The following IQCH variants were observed in gnomAD, a reference collection of about 807,000 sequenced individuals.
IQCH encodes IQ motif containing H.
In IQCH, 98 loss-of-function variants were observed where a neutral mutation model predicts 117.0. The ratio of observed to expected loss-of-function variants is 0.84; its 90% confidence interval spans 0.71 to 0.99. IQCH has a LOEUF of 0.99. IQCH is among the 50% of genes least tolerant of loss of function. The pLI is 0.00. For synonymous variants in IQCH, 412 were observed against 448.2 expected (o/e 0.92, Z 1.02); for missense variants, 1,102 against 1,243.8 (o/e 0.89, Z 1.72).
intron 3 of IQCH, among the ~76,000 whole-genome samples, chr15:67,269,623 C>G (rs189834808): frequency 6.6e-6 from 1 of 152,052 alleles, no homozygotes. Context: ...TAATCAACCT[C>G]TCTTCAACCA....
In IQCH at chr15:67,465,296, C is replaced by T. The variant is rs1039767947; in HGVS notation, c.2675C>T (p.Pro892Leu). The T allele has an allele frequency of 1.2e-5, 20 of 1,612,374 alleles. No individual in the cohort carries two copies. Among genetic ancestry groups the T allele is most frequent in the Non-Finnish European group, 1.6e-5 (19 of 1,179,776 alleles). ...KTKCMSALSMPMLATSRYAVM... is the reference protein window; with the variant it reads ...KTKCMSALSMLMLATSRYAVM... The stretch of plus-strand genomic sequence containing the variant: ...AAATGCATGAGTGCGCTGTCAATGC[C>T]GGTAAGCAAGAGGTGCTTCCTGAAG... Residue 892 changes from proline (P) to leucine (L), a missense_variant and splice_region_variant, in exon 17 of 21, where the codon CCG becomes CTG. By Grantham distance (98) the Pro-to-Leu change is moderately conservative. Transcript: ENST00000335894. This position sits in a 1 kb window ranked among gnomAD's most constrained non-coding sequence, Gnocchi z 5.9.
rs766616525 is a variant in IQCH at position 67,344,143 on chromosome 15, G to A, written c.589G>A (p.Ala197Thr). The A allele has an allele frequency of 6.2e-7, 1 of 1,613,830 alleles. No homozygotes were observed. Among genetic ancestry groups the A allele is most frequent in the South Asian group, 1.1e-5 (1 of 91,070 alleles). Residue 197 changes from alanine (A) to threonine (T), a missense_variant, in exon 6 of 21, where the codon GCA becomes ACA. Physicochemically the swap from Ala to Thr is moderately conservative, Grantham distance 58. This residue lies in a region of IQCH where 452 missense variants were observed against 449.6 expected (regional missense o/e 1.01). Coordinates refer to ENST00000335894, the MANE Select transcript of IQCH (RefSeq NM_001031715.3). ...TFQNPPITPR[A>T]APLHSFDEAR... ...TCAGAATCCACCCATTACACCCAGAGCAGCTCCTCTGCATAGTTTTGATGA... is the reference window on the plus strand; with the variant it reads ...TCAGAATCCACCCATTACACCCAGAACAGCTCCTCTGCATAGTTTTGATGA...
At position 67,456,029 on chromosome 15, in the gene IQCH, AAAT is replaced by A. The variant is rs1489559112; in HGVS notation, c.2506-9093_2506-9091del. Among the ~76,000 whole-genome samples the A allele has an allele frequency of 5.9e-5, 9 of 152,222 alleles. No individual in the cohort carries two copies. The highest frequency in any genetic ancestry group is 1.4e-4 in the African/African-American group (6 of 41,458). ...AAATGAGTATATTCTGTATCTTTAT[AAAT>A]AATAGTTGGGCCATTGGTCTTGAAA... On this transcript the variant is annotated intron_variant, in intron 16 of 20. Transcript: ENST00000335894. This position sits in a 1 kb window ranked among gnomAD's most constrained non-coding sequence, Gnocchi z 5.1.
chr15:67,412,835 A>G (rs1051340709), intron 14 of IQCH, among the ~76,000 whole-genome samples: 1 of 152,174 alleles, frequency 6.6e-6, no homozygotes, highest in Non-Finnish European at 1.5e-5. Flanking sequence ...TAACTCTGTT[A>G]TTTTCTGTCT....
chr15:67,400,130 G>A lies in IQCH; in HGVS notation c.1922G>A (p.Ser641Asn), dbSNP rs755737225. 2.5e-6 allele frequency: 4 copies of A among 1,613,540 alleles called. No individual in the cohort carries two copies. In the Admixed American group the frequency reaches 5.0e-5, roughly 20 times the overall value. Reference sequence around the variant, plus strand: ...GCCTCACAGATGATAGAGCAGCTGAGTCAGCTGATAACTGATCACCTGCAA... The same window carrying A: ...GCCTCACAGATGATAGAGCAGCTGAATCAGCTGATAACTGATCACCTGCAA... ...YSQQQMIEQL[S>N]QLITDHLQIQ... Residue 641 changes from serine (S) to asparagine (N), a missense_variant, in exon 14 of 21, where the codon AGT becomes AAT. Ser to Asn is a conservative substitution (Grantham distance 46, BLOSUM62 1). Around this residue, in one of 2 missense-constraint regions of IQCH, gnomAD observed 650 missense variants for 794.3 expected, o/e 0.82. Transcript: ENST00000335894.
chr15:67,487,100 A>C (rs2083503894), intron 18 of IQCH, among the ~76,000 whole-genome samples: 1 of 152,246 alleles, frequency 6.6e-6, no homozygotes, highest in East Asian at 1.9e-4. Context: ...TGGGAGGCCA[A>C]GGCGGGTGGA....
intron 14 of IQCH, among the ~76,000 whole-genome samples, chr15:67,409,563 GATA>G: frequency 6.6e-6 from 1 of 152,312 alleles, no homozygotes; most frequent in South Asian, 2.1e-4. Context: ...TGGAGGCCTA[GATA>G]ATGAGGGACA....
intron 4 of IQCH, chr15:67,304,573 AT>A: frequency 2.0e-6 from 1 of 497,426 alleles, no homozygotes. Flanking sequence ...TGTCTTTGGA[AT>A]TTTTTGGAGA....
intron 20 of IQCH, among the ~76,000 whole-genome samples, chr15:67,499,784 A>G (rs2083930277): frequency 6.6e-6 from 1 of 152,208 alleles, no homozygotes; most frequent in Non-Finnish European, 1.5e-5. Context: ...TCACCTCTAT[A>G]AAAGGAATAA....
In IQCH at chr15:67,491,371, C is replaced by A. The variant is rs1192706324; in HGVS notation, c.2861+1307C>A. ...CCATTATCAATACAGTGATATTCAC[C>A]CTCATCGATCCTTTTGAACTTAGGC... is the stretch of plus-strand genomic sequence containing the variant. On this transcript the variant is annotated intron_variant, in intron 19 of 20. Transcript: ENST00000335894. The surrounding 1 kb of genome is among the most constrained non-coding windows in gnomAD (Gnocchi z 4.9). Among the ~76,000 whole-genome samples, 1 of 152,120 alleles carries A rather than the reference C, an allele frequency of 6.6e-6. No individual in the cohort carries two copies. The highest frequency in any genetic ancestry group is 1.5e-5 in the Non-Finnish European group (1 of 68,018).
chr15:67,498,227 G>A (rs1022694271), intron 20 of IQCH, among the ~76,000 whole-genome samples: 26 of 152,250 alleles, frequency 1.7e-4, no homozygotes, highest in African/African-American at 5.3e-4. Context: ...TTTGGCAAGG[G>A]TGCTGAAACA....
intron 4 of IQCH, among the ~76,000 whole-genome samples, chr15:67,324,189 T>A (rs1596182741): frequency 6.6e-6 from 1 of 151,126 alleles, no homozygotes; most frequent in African/African-American, 2.4e-5. Context: ...TTGTGATCCA[T>A]CCACCTCAGC....
intron 8 of IQCH, among the ~76,000 whole-genome samples, chr15:67,368,101 G>C (rs1290629779): frequency 2.0e-5 from 3 of 152,154 alleles, no homozygotes; most frequent in African/African-American, 7.2e-5. Flanking sequence ...GGAAATTTAG[G>C]TTCAGAGGGT....
At chr15:67,450,371 G>A (rs1307507818) in intron 16 of IQCH, among the ~76,000 whole-genome samples, 1 of 152,144 alleles carries the variant, frequency 6.6e-6, no homozygotes, top group East Asian at 1.9e-4. Flanking sequence ...GTCACAGATA[G>A]CTCTTATTAT....
intron 20 of IQCH, among the ~76,000 whole-genome samples, chr15:67,498,512 A>G (rs2083887316): frequency 1.3e-5 from 2 of 151,968 alleles, no homozygotes; most frequent in South Asian, 4.1e-4. Context: ...GCTACTCAGG[A>G]GGCTGAGGCA....
At chr15:67,396,543 C>T (rs1971477403) in intron 13 of IQCH, among the ~76,000 whole-genome samples, 1 of 152,168 alleles carries the variant, frequency 6.6e-6, no homozygotes, top group African/African-American at 2.4e-5. Context: ...AGATGTTCTC[C>T]CATTTAACTG....
chr15:67,420,789 A>T (rs1359480864), intron 15 of IQCH, among the ~76,000 whole-genome samples: 3 of 152,252 alleles, frequency 2.0e-5, no homozygotes, highest in Non-Finnish European at 4.4e-5. Context: ...AACTGGCTTT[A>T]TATAGAAGTC....
At chr15:67,316,624 T>G (rs1396737783) in intron 4 of IQCH, among the ~76,000 whole-genome samples, 3 of 152,228 alleles carry the variant, frequency 2.0e-5, no homozygotes, top group Non-Finnish European at 2.9e-5. Context: ...GGCATGGTGT[T>G]AAGTACACTT....
At chr15:67,302,400 T>C (rs1464346426) in intron 4 of IQCH, among the ~76,000 whole-genome samples, 1 of 152,010 alleles carries the variant, frequency 6.6e-6, no homozygotes, top group Non-Finnish European at 1.5e-5. Flanking sequence ...GTGCTGTGAG[T>C]GTTACCCACA....
Sources: gnomAD v4.1 joint callset for allele counts (sites outside exome capture counted in the v4.1 genomes callset) on GRCh38, gnomAD v4.1.1 for gene constraint, gnomAD v4.1.1 regional missense constraint, Gnocchi (gnomAD v3.1) non-coding constraint, MANE v1.5 for transcripts, NCBI Gene and HGNC (gene_info 2026-07-23, HGNC 2026-07-21) for gene names.